KIAA1217: variants seen among roughly 807,000 people sequenced by gnomAD.
KIAA1217 encodes the protein KIAA1217, also known as sickle tail protein homolog.
In KIAA1217, 88 loss-of-function variants were observed where a neutral mutation model predicts 163.9. That is an observed-to-expected ratio of 0.54 (90% CI 0.45 to 0.64). The LOEUF is 0.64. Among genes scored for constraint, KIAA1217 ranks in the 30% least tolerant of loss-of-function variants. The pLI is 0.00. For synonymous variants in KIAA1217, 903 were observed against 923.1 expected, an observed-to-expected ratio of 0.98 and a Z score of 0.39; for missense variants, 2,372 against 2,475.0, an observed-to-expected ratio of 0.96 and a Z score of 0.88.
At chr10:24,209,944 C>T (rs2067855355) in intron 1 of KIAA1217, among the ~76,000 whole-genome samples, 1 of 152,110 alleles carries the variant, frequency 6.6e-6, no homozygotes. Flanking sequence ...TTATGTTGTT[C>T]CAAAGAAATT....
At chr10:24,534,651 G>A (rs1382119600) in intron 16 of KIAA1217, among the ~76,000 whole-genome samples, 8 of 151,612 alleles carry the variant, frequency 5.3e-5, no homozygotes, top group East Asian at 1.9e-4. Context: ...AGGCTGAGGC[G>A]GGCAGATCAC....
chr10:23,808,866 A>G (rs964393556), intron 1 of KIAA1217, among the ~76,000 whole-genome samples: 7 of 152,246 alleles, frequency 4.6e-5, no homozygotes, highest in African/African-American at 1.2e-4. Flanking sequence ...CCCAAGACCT[A>G]CAACTGTGAA....
At chr10:24,256,759 A>T (rs998918860) in intron 2 of KIAA1217, among the ~76,000 whole-genome samples, 1 of 152,138 alleles carries the variant, frequency 6.6e-6, no homozygotes, top group Non-Finnish European at 1.5e-5. Context: ...TCAGTCTTAG[A>T]GGCTGATTTT....
chr10:24,101,965 G>A (rs1412596306), intron 2 of KIAA1217, among the ~76,000 whole-genome samples: 1 of 152,108 alleles, frequency 6.6e-6, no homozygotes, highest in Non-Finnish European at 1.5e-5. Flanking sequence ...TTAGATAGTG[G>A]TGATAGTTGC....
chr10:24,277,760 T>C (rs558343523), intron 2 of KIAA1217, among the ~76,000 whole-genome samples: 1 of 152,212 alleles, frequency 6.6e-6, no homozygotes, highest in Admixed American at 6.5e-5. Context: ...GAACTGTGAG[T>C]CAATTAAACC....
intron 1 of KIAA1217, among the ~76,000 whole-genome samples, chr10:23,987,625 A>G (rs1970289): frequency 0.25 from 12,640 of 50,626 alleles, 751 homozygotes; most frequent in African/African-American, 0.48. Context: ...GTGTGTGTGT[A>G]TGTGTACGTG....
chr10:24,294,417 A>G (rs1212337013), intron 2 of KIAA1217, among the ~76,000 whole-genome samples: 1 of 152,128 alleles, frequency 6.6e-6, no homozygotes, highest in East Asian at 1.9e-4. Flanking sequence ...CAGTTTCTTT[A>G]TGATCATCAA....
intron 3 of KIAA1217, among the ~76,000 whole-genome samples, chr10:24,397,760 C>G (rs182016548): frequency 2.0e-5 from 3 of 152,274 alleles, no homozygotes; most frequent in Admixed American, 1.3e-4. Context: ...AGCAATGAAG[C>G]TGGAGCCACA....
chr10:23,907,994 G>A (rs2131262181), intron 1 of KIAA1217, among the ~76,000 whole-genome samples: 1 of 152,190 alleles, frequency 6.6e-6, no homozygotes, highest in Middle Eastern at 3.4e-3. Context: ...TGGGGGCTTG[G>A]TAGTGAAGCC....
Position 24,524,481 on chromosome 10 carries a change from C to T in KIAA1217, c.2615C>T (p.Ala872Val), listed in dbSNP as rs781201803. The T allele has an allele frequency of 8.7e-6, 14 of 1,614,172 alleles. No individual in the cohort carries two copies. In the East Asian group the frequency reaches 1.1e-4, roughly 13 times the overall value. ...PFHSTGAPGD[A>V]KSEVVPLSGM... Reference sequence around the variant, plus strand: ...CACAGCACAGGTGCCCCTGGCGATGCGAAGTCGGAAGTGGTGCCTTTGTCC... The same window carrying T: ...CACAGCACAGGTGCCCCTGGCGATGTGAAGTCGGAAGTGGTGCCTTTGTCC... The change falls in exon 13 of 21, where the codon GCG becomes GTG. Residue 872 changes from alanine (A) to valine (V), a missense_variant. Coordinates refer to ENST00000376454, the MANE Select transcript of KIAA1217 (RefSeq NM_019590.5).
chr10:24,500,203 G>GTGTC (rs1554907928), intron 8 of KIAA1217, among the ~76,000 whole-genome samples: 1 of 151,902 alleles, frequency 6.6e-6, no homozygotes, highest in African/African-American at 2.4e-5. Context: ...GTGTGTGTGT[G>GTGTC]TGTGTGTGTG....
At chr10:24,155,985 T>G (rs2064856398) in intron 2 of KIAA1217, among the ~76,000 whole-genome samples, 1 of 152,218 alleles carries the variant, frequency 6.6e-6, no homozygotes, top group African/African-American at 2.4e-5. Context: ...AATAGCTTAT[T>G]TGAAGTATAA....
At chr10:23,893,690 A>G (rs1448628807) in intron 1 of KIAA1217, among the ~76,000 whole-genome samples, 4 of 152,010 alleles carry the variant, frequency 2.6e-5, no homozygotes, top group East Asian at 3.9e-4. Flanking sequence ...CAACCAAAAA[A>G]GAGAATTTTA....
chr10:24,008,825 G>C (rs565014561), intron 2 of KIAA1217, among the ~76,000 whole-genome samples: 22 of 152,288 alleles, frequency 1.4e-4, no homozygotes, highest in Middle Eastern at 3.4e-3. Context: ...TAACACGAGG[G>C]AGCAGACCTG....
chr10:24,110,910 T>C (rs2062820478), intron 2 of KIAA1217, among the ~76,000 whole-genome samples: 1 of 152,262 alleles, frequency 6.6e-6, no homozygotes, highest in South Asian at 2.1e-4. Context: ...TATTTTTAAG[T>C]TATTTTTTTC....
At chr10:23,795,551 A>G (rs994912462) in intron 1 of KIAA1217, among the ~76,000 whole-genome samples, 2 of 152,214 alleles carry the variant, frequency 1.3e-5, no homozygotes, top group Non-Finnish European at 2.9e-5. Context: ...CAAAATCATA[A>G]ATCATTATAT....
At position 23,713,098 on chromosome 10, in the gene KIAA1217, T is replaced by C. The variant is rs1837358885; in HGVS notation, c.-321+17864T>C. Among the ~76,000 whole-genome samples, 4 of 152,164 alleles carry C rather than the reference T, an allele frequency of 2.6e-5. No homozygotes were observed. In the South Asian group the frequency reaches 8.3e-4, roughly 32 times the overall value. On this transcript the variant is annotated intron_variant, in intron 1 of 18. Coordinates refer to the KIAA1217 transcript ENST00000376462. ...AAAAGAGCTGGGGAGGAGTATGTTG[T>C]AGATGAATTGAGGTATTAGAAAATA... is the stretch of plus-strand genomic sequence containing the variant.
chr10:24,330,652 G>A (rs2133537917), intron 2 of KIAA1217, among the ~76,000 whole-genome samples: 1 of 152,230 alleles, frequency 6.6e-6, no homozygotes, highest in Admixed American at 6.5e-5. Flanking sequence ...GTCTAGCTCT[G>A]TCACCCAGGC....
At chr10:24,278,895 TGCTCAG>T (rs2077590536) in intron 2 of KIAA1217, among the ~76,000 whole-genome samples, 1 of 151,462 alleles carries the variant, frequency 6.6e-6, no homozygotes, top group Non-Finnish European at 1.5e-5. Context: ...CTCACTCTGT[TGCTCAG>T]GCTGGAGTGC....
Sources: gnomAD v4.1 joint callset for allele counts (sites outside exome capture counted in the v4.1 genomes callset) on GRCh38, gnomAD v4.1.1 for gene constraint, MANE v1.5 for transcripts, NCBI Gene and HGNC (gene_info 2026-07-23, HGNC 2026-07-21) for gene names.